Variants in SLC9A9 observed in about 807,000 individuals in gnomAD.
SLC9A9 encodes the protein solute carrier family 9 member A9.
SLC9A9 carries 62 observed loss-of-function variants against 77.8 expected under a neutral mutation model. The observed-to-expected ratio is 0.80, with a 90% confidence interval of 0.65 to 0.98. The LOEUF is 0.98. Ranked by LOEUF, SLC9A9 falls within the 50% of genes least tolerant of loss-of-function variation. The pLI is 0.00. For missense variants in SLC9A9, 775 were observed against 774.9 expected, an observed-to-expected ratio of 1.00 and a Z score of 0.00; for synonymous variants, 320 against 283.5, an observed-to-expected ratio of 1.13 and a Z score of -1.29.
intron 4 of SLC9A9, among the ~76,000 whole-genome samples, chr3:143,745,195 A>G (rs1010569801): frequency 3.3e-5 from 5 of 151,420 alleles, no homozygotes; most frequent in African/African-American, 1.2e-4. Flanking sequence ...GCTTCCAGAC[A>G]AAACACAGCA....
In SLC9A9 at chr3:143,301,813, TC is replaced by T. The variant is rs1279083289; in HGVS notation, c.1605-32834del. 2.0e-5 allele frequency among the ~76,000 whole-genome samples: 3 copies of T among 152,192 alleles called. No individual in the cohort carries two copies. The East Asian group carries it at 5.8e-4, about 29-fold the overall frequency. On this transcript the variant is annotated intron_variant, in intron 14 of 15. Transcript: ENST00000316549. ...CAGTTAGTGTCTTCCCAACCACATT[TC>T]TAAGCCCACCCAAAGCTGAAAAGCT...
chr3:143,415,768 A>G (rs2034180728), intron 12 of SLC9A9, among the ~76,000 whole-genome samples: 1 of 152,210 alleles, frequency 6.6e-6, no homozygotes, highest in South Asian at 2.1e-4. Flanking sequence ...TAAGAAATAT[A>G]TTTCATAAGG....
intron 6 of SLC9A9, among the ~76,000 whole-genome samples, chr3:143,598,737 T>C (rs2037800336): frequency 6.6e-6 from 1 of 152,250 alleles, no homozygotes; most frequent in African/African-American, 2.4e-5. Flanking sequence ...ACACAAGTTT[T>C]TAAAATCATT....
intron 5 of SLC9A9, among the ~76,000 whole-genome samples, chr3:143,654,668 A>T (rs2038858590): frequency 6.6e-6 from 1 of 152,140 alleles, no homozygotes; most frequent in Non-Finnish European, 1.5e-5. Context: ...AGAACATTCT[A>T]TCATGGCCTC....
At chr3:143,509,787 T>A (rs936480351) in intron 9 of SLC9A9, among the ~76,000 whole-genome samples, 1 of 152,156 alleles carries the variant, frequency 6.6e-6, no homozygotes, top group African/African-American at 2.4e-5. Context: ...TGCAAAAAAA[T>A]TATATACATA....
intron 9 of SLC9A9, among the ~76,000 whole-genome samples, chr3:143,528,529 G>C (rs1338259921): frequency 6.6e-6 from 1 of 152,176 alleles, no homozygotes; most frequent in Non-Finnish European, 1.5e-5. Flanking sequence ...AGCACTGAAA[G>C]TCCTCTATCC....
intron 6 of SLC9A9, among the ~76,000 whole-genome samples, chr3:143,622,789 C>T (rs1401892043): frequency 2.6e-5 from 4 of 152,130 alleles, no homozygotes; most frequent in African/African-American, 9.7e-5. Flanking sequence ...TGTAAATGGG[C>T]TAAATGCTCC....
intron 14 of SLC9A9, among the ~76,000 whole-genome samples, chr3:143,323,329 A>G (rs548920768): frequency 1.1e-4 from 16 of 152,360 alleles, no homozygotes; most frequent in Middle Eastern, 3.4e-3. Context: ...GTGTTCATCA[A>G]TGAATGAATG....
chr3:143,440,316 G>C (rs756883910), intron 12 of SLC9A9, among the ~76,000 whole-genome samples: 6 of 152,184 alleles, frequency 3.9e-5, no homozygotes, highest in Non-Finnish European at 7.3e-5. Context: ...TGCTAATGCT[G>C]CTTGAGTTCT....
chr3:143,679,889 A>G (rs1933025068), intron 5 of SLC9A9, among the ~76,000 whole-genome samples: 1 of 152,204 alleles, frequency 6.6e-6, no homozygotes, highest in African/African-American at 2.4e-5. Context: ...ATAAAAGGAA[A>G]TATCAGGTAT....
At chr3:143,660,806 C>T (rs1252766428) in intron 5 of SLC9A9, among the ~76,000 whole-genome samples, 1 of 152,164 alleles carries the variant, frequency 6.6e-6, no homozygotes, top group East Asian at 1.9e-4. Flanking sequence ...CCCCTTATCC[C>T]ACCACTGACA....
At chr3:143,495,835 C>T (rs1157026618) in intron 9 of SLC9A9, among the ~76,000 whole-genome samples, 2 of 152,116 alleles carry the variant, frequency 1.3e-5, no homozygotes, top group South Asian at 2.1e-4. Context: ...TGCACATTAC[C>T]CAGTAGATCC....
intron 2 of SLC9A9, among the ~76,000 whole-genome samples, chr3:143,806,122 A>C (rs2008707061): frequency 8.3e-6 from 1 of 119,784 alleles, no homozygotes; most frequent in African/African-American, 3.2e-5. Context: ...ACACACAGGC[A>C]TTCATTATTT....
At chr3:143,407,887 A>G (rs894452193) in intron 12 of SLC9A9, among the ~76,000 whole-genome samples, 1 of 152,260 alleles carries the variant, frequency 6.6e-6, no homozygotes. Flanking sequence ...AGCTACCGTA[A>G]CAAATTACCA....
At chr3:143,668,038 G>A (rs977216256) in intron 5 of SLC9A9, among the ~76,000 whole-genome samples, 1 of 152,116 alleles carries the variant, frequency 6.6e-6, no homozygotes, top group Non-Finnish European at 1.5e-5. Flanking sequence ...GCACACGTAT[G>A]TTTATTGTGG....
intron 8 of SLC9A9, among the ~76,000 whole-genome samples, chr3:143,559,805 C>T (rs1438939238): frequency 2.0e-5 from 3 of 152,172 alleles, no homozygotes; most frequent in Non-Finnish European, 4.4e-5. Flanking sequence ...CAAAAGTCTT[C>T]TCCATGTAAA....
chr3:143,810,955 C>T (rs2008848947), intron 2 of SLC9A9, among the ~76,000 whole-genome samples: 1 of 151,966 alleles, frequency 6.6e-6, no homozygotes, highest in African/African-American at 2.4e-5. Context: ...GCTTGCTGAT[C>T]CCCCAGGAAA....
At chr3:143,365,335 G>C (rs2032867660) in intron 13 of SLC9A9, among the ~76,000 whole-genome samples, 1 of 152,244 alleles carries the variant, frequency 6.6e-6, no homozygotes, top group Non-Finnish European at 1.5e-5. Context: ...TTAGTATCTG[G>C]GAGATGAAAC....
At chr3:143,480,183 G>T (rs760698075) in intron 11 of SLC9A9, among the ~76,000 whole-genome samples, 1 of 152,200 alleles carries the variant, frequency 6.6e-6, no homozygotes, top group Non-Finnish European at 1.5e-5. Flanking sequence ...AAATATTGTG[G>T]TGTGCCAAAT....
Sources: allele counts gnomAD v4.1 joint callset (sites outside exome capture counted in the v4.1 genomes callset), GRCh38; gene constraint gnomAD v4.1.1; transcripts MANE v1.5; gene names NCBI Gene and HGNC (gene_info 2026-07-23, HGNC 2026-07-21).